Variants in CLEC16A observed in about 807,000 individuals in gnomAD.
The protein encoded by CLEC16A is C-type lectin domain containing 16A.
Under a neutral mutation model 109.5 loss-of-function variants are expected in CLEC16A, and 51 were observed. That is an observed-to-expected ratio of 0.47 (90% CI 0.37 to 0.59). The LOEUF is 0.59. Ranked by LOEUF, CLEC16A falls within the 20% of genes least tolerant of loss-of-function variation. The probability of loss-of-function intolerance (pLI) is 0.00; values close to 1 mark genes in which losing one functional copy is unlikely to be tolerated. For missense variants in CLEC16A, 1,339 were observed against 1,394.0 expected (o/e 0.96, Z 0.63); for synonymous variants, 673 against 564.2 (o/e 1.19, Z -2.73).
chr16:11,137,588 A>G (rs1426946572), intron 22 of CLEC16A, among the ~76,000 whole-genome samples: 2 of 54,518 alleles, frequency 3.7e-5, no homozygotes, highest in African/African-American at 5.3e-5. Flanking sequence ...GACTCCATCT[A>G]AAAAAAAAAA....
chr16:11,062,616 G>C (rs575088480), intron 19 of CLEC16A, among the ~76,000 whole-genome samples: 1 of 152,290 alleles, frequency 6.6e-6, no homozygotes, highest in South Asian at 2.1e-4. Context: ...ATAGCATGCC[G>C]CCTGACACGT....
chr16:10,958,198 G>T (rs16957835), intron 2 of CLEC16A, among the ~76,000 whole-genome samples: 31,003 of 152,164 alleles, frequency 0.2, 4,143 homozygotes, highest in African/African-American at 0.39. Flanking sequence ...AAAGGAAGGA[G>T]AACATGTCTG....
intron 19 of CLEC16A, among the ~76,000 whole-genome samples, chr16:11,097,496 C>G (rs1400849183): frequency 6.6e-6 from 1 of 152,136 alleles, no homozygotes; most frequent in Non-Finnish European, 1.5e-5. Context: ...ATTTCCTTCC[C>G]TGCCCTATTA....
intron 11 of CLEC16A, among the ~76,000 whole-genome samples, chr16:11,009,302 C>T (rs1303693177): frequency 2.0e-5 from 3 of 152,108 alleles, no homozygotes; most frequent in East Asian, 1.9e-4. Context: ...ATAATAATTC[C>T]GTTATATGGC....
chr16:11,146,937 C>G (rs1191713709), intron 22 of CLEC16A, among the ~76,000 whole-genome samples: 1 of 151,932 alleles, frequency 6.6e-6, no homozygotes, highest in Non-Finnish European at 1.5e-5. Context: ...AACTTCCCAC[C>G]ATGTTTGGTG....
Position 11,120,658 on chromosome 16 carries a change from C to G in CLEC16A, c.2160C>G (p.Gly720=). The part of the protein sequence containing the change: ...LIACTVITKD[G]GMVQRFLAVD... ...CATGTACAGTGATCACCAAGGATGG[C>G]GGCATGGTCCAGCGATTCCTGGCTG... The change falls in exon 20 of 24, where the codon GGC becomes GGG. Residue 720 remains glycine, a synonymous_variant. Coordinates refer to ENST00000409790, the MANE Select transcript of CLEC16A (RefSeq NM_015226.3). 1.2e-6 allele frequency: 2 copies of G among 1,612,856 alleles called. No homozygotes were observed. The highest frequency in any genetic ancestry group is 1.7e-6 in the Non-Finnish European group (2 of 1,179,418).
rs1043738807 is a variant in CLEC16A, at chr16:10,979,436, C to A, written c.957+54C>A. On this transcript the variant is annotated intron_variant, in intron 9 of 23. Coordinates refer to ENST00000409790, the MANE Select transcript of CLEC16A (RefSeq NM_015226.3). Reference sequence around the variant, plus strand: ...ACTACATTTGGGGTCCCTTGGCGTGCCACTGCCTTGAAGAAAATCCCCAGG... The same window carrying A: ...ACTACATTTGGGGTCCCTTGGCGTGACACTGCCTTGAAGAAAATCCCCAGG... The A allele has an allele frequency of 5.9e-6, 9 of 1,519,380 alleles. No individual in the cohort carries two copies. In the Admixed American group the frequency reaches 1.6e-4, roughly 27 times the overall value. The allele number at this position is 1,519,380 out of a possible 1,614,324, so 94.1% of individuals were successfully genotyped here.
At chr16:11,170,712 A>G (rs556107233) in intron 23 of CLEC16A, among the ~76,000 whole-genome samples, 4 of 152,294 alleles carry the variant, frequency 2.6e-5, no homozygotes, top group African/African-American at 9.6e-5. Flanking sequence ...ATTGTTTTCC[A>G]AGCAAGCAGG....
At chr16:11,065,556 G>T (rs1172663876) in intron 19 of CLEC16A, among the ~76,000 whole-genome samples, 1 of 152,240 alleles carries the variant, frequency 6.6e-6, no homozygotes. Context: ...TGTTCTTGAG[G>T]TGTTTCCAGT....
At chr16:11,125,855 T>A in intron 21 of CLEC16A, 124 bp from the exon 22 acceptor site, 1 of 920,182 alleles carries the variant, frequency 1.1e-6, no homozygotes. Flanking sequence ...TGCCGCCCAC[T>A]TGGCGTCTCC....
intron 19 of CLEC16A, among the ~76,000 whole-genome samples, chr16:11,110,589 G>A (rs755653376): frequency 2.0e-4 from 30 of 152,328 alleles, no homozygotes; most frequent in Admixed American, 8.5e-4. Flanking sequence ...GTTCCAACGA[G>A]AGAGTCATGG....
At chr16:11,055,605 T>TTTTTTTTC (rs1268458004) in intron 18 of CLEC16A, among the ~76,000 whole-genome samples, 4 of 141,402 alleles carry the variant, frequency 2.8e-5, no homozygotes, top group African/African-American at 1.1e-4. Flanking sequence ...TTTTTTTTTT[T>TTTTTTTTC]TGAGACGAGT....
Position 11,174,111 on chromosome 16 carries a change from T to C in CLEC16A, c.2807-4224T>C, listed in dbSNP as rs2068643201. 1 of 453,938 alleles carries C rather than the reference T, an allele frequency of 2.2e-6. No homozygotes were observed. Among genetic ancestry groups the C allele is most frequent in the Non-Finnish European group, 4.7e-6 (1 of 215,014 alleles). 28.1% of individuals were successfully genotyped at this position (453,938 alleles called of 1,614,324 possible). On this transcript the variant is annotated intron_variant, in intron 23 of 23. Coordinates refer to ENST00000409790, the MANE Select transcript of CLEC16A (RefSeq NM_015226.3). This position sits in a 1 kb window ranked among gnomAD's most constrained non-coding sequence, Gnocchi z 4.7. ...CTCCATGTCGCCTCTGCCGTCCCATTGTTAAAGGCTTTCTATGATCTGTCG... is the reference window on the plus strand; with the variant it reads ...CTCCATGTCGCCTCTGCCGTCCCATCGTTAAAGGCTTTCTATGATCTGTCG...
intron 19 of CLEC16A, among the ~76,000 whole-genome samples, chr16:11,094,140 C>T (rs969846627): frequency 6.6e-6 from 1 of 152,196 alleles, no homozygotes; most frequent in Admixed American, 6.5e-5. Context: ...CTCAACCTTT[C>T]CTCCAGAGTA....
chr16:10,949,947 T>C (rs1332994757), intron 1 of CLEC16A, among the ~76,000 whole-genome samples: 2 of 152,236 alleles, frequency 1.3e-5, no homozygotes, highest in Non-Finnish European at 2.9e-5. Context: ...TCCCTAGCTC[T>C]ATCCCGAAAA....
intron 22 of CLEC16A, among the ~76,000 whole-genome samples, chr16:11,154,587 A>G (rs932980453): frequency 2.0e-5 from 3 of 152,190 alleles, no homozygotes; most frequent in Non-Finnish European, 4.4e-5. Flanking sequence ...GAGCTGGGCC[A>G]TTTCTTTTGC....
chr16:10,998,542 T>C (rs1443860937), intron 10 of CLEC16A, among the ~76,000 whole-genome samples: 1 of 152,250 alleles, frequency 6.6e-6, no homozygotes, highest in Non-Finnish European at 1.5e-5. Context: ...GCCTTGTGAT[T>C]TCTTACTCTG....
At chr16:11,038,034 T>TG (rs2047120181) in intron 13 of CLEC16A, among the ~76,000 whole-genome samples, 1 of 152,138 alleles carries the variant, frequency 6.6e-6, no homozygotes, top group Non-Finnish European at 1.5e-5. Context: ...CCCACATTTG[T>TG]GGGGCGTTTT....
intron 19 of CLEC16A, among the ~76,000 whole-genome samples, chr16:11,079,668 G>A (rs2049591952): frequency 6.6e-6 from 1 of 152,110 alleles, no homozygotes; most frequent in Non-Finnish European, 1.5e-5. Flanking sequence ...TCTAAATGCA[G>A]TTGGGGTTTT....
Sources: gnomAD v4.1 joint callset for allele counts (sites outside exome capture counted in the v4.1 genomes callset) on GRCh38, gnomAD v4.1.1 for gene constraint, Gnocchi (gnomAD v3.1) non-coding constraint, MANE v1.5 for transcripts, NCBI Gene and HGNC (gene_info 2026-07-23, HGNC 2026-07-21) for gene names.